The following GGT1 variants were observed in gnomAD, a reference collection of about 807,000 sequenced individuals.
GGT1 encodes the protein glutathione hydrolase 1 proenzyme.
GGT1 carries 21 observed loss-of-function variants against 56.0 expected under a neutral mutation model. The ratio of observed to expected loss-of-function variants is 0.38; its 90% confidence interval spans 0.27 to 0.54. The LOEUF is 0.54. GGT1 is among the 20% of genes least tolerant of loss of function. The probability of loss-of-function intolerance (pLI) is 0.82; values close to 1 mark genes in which losing one functional copy is unlikely to be tolerated. For missense variants in GGT1, 466 were observed against 787.0 expected (o/e 0.59, Z 4.88); for synonymous variants, 238 against 342.6 (o/e 0.69, Z 3.37).
intron 2 of GGT1, chr22:24,609,045 GTC>G (rs1230787513): frequency 2.6e-5 from 4 of 152,216 alleles, no homozygotes; most frequent in African/African-American, 9.7e-5. Flanking sequence ...AGGAATCGGT[GTC>G]TCTATCAGGA....
chr22:24,614,442 C>T (rs916563598), intron 5 of GGT1, among the ~76,000 whole-genome samples: 8 of 149,672 alleles, frequency 5.3e-5, no homozygotes, highest in Non-Finnish European at 8.9e-5. Flanking sequence ...ATGGTGAAAC[C>T]CCGTCTCTAC....
intron 9 of GGT1, among the ~76,000 whole-genome samples, chr22:24,622,050 AAAG>A (rs2047448771): frequency 1.3e-5 from 2 of 150,964 alleles, no homozygotes. Context: ...AAAAAAAAAA[AAAG>A]AAAGAAAGAA....
chr22:24,593,812 A>G (rs2045641413), upstream of GGT1, among the ~76,000 whole-genome samples: 1 of 151,682 alleles, frequency 6.6e-6, no homozygotes, highest in African/African-American at 2.4e-5. Flanking sequence ...AAAAGAAAAG[A>G]AATCTCTGCA....
At position 24,628,950 on chromosome 22, in the gene GGT1, T is replaced by G. The variant is rs2047951991; in HGVS notation, c.*111T>G. ...CCCTGTGAGCAGCAGAGCAGCACAA[T>G]AAATGAGGCCACTGTGCCAGGCTCC... On this transcript the variant is annotated 3_prime_UTR_variant, in exon 16 of 16. Transcript: ENST00000400382. The surrounding 1 kb of genome is among the most constrained non-coding windows in gnomAD (Gnocchi z 5.7). 1 of 1,538,360 alleles carries G rather than the reference T, an allele frequency of 6.5e-7. No homozygotes were observed. Among genetic ancestry groups the G allele is most frequent in the Admixed American group, 1.9e-5 (1 of 52,052 alleles).
chr22:24,607,057 C>G (rs1231133625), intron 1 of GGT1, among the ~76,000 whole-genome samples: 1 of 152,108 alleles, frequency 6.6e-6, no homozygotes, highest in Admixed American at 6.6e-5. Flanking sequence ...CAGAAACATG[C>G]AGTAACTTGG....
the GGT1 span, chr22:24,589,094 A>G: frequency 9.1e-7 from 1 of 1,096,450 alleles, no homozygotes; most frequent in East Asian, 9.8e-5. Flanking sequence ...CTGTGCAGAG[A>G]CCTGGGCATT....
chr22:24,613,074 T>G (rs1480152149), intron 5 of GGT1, among the ~76,000 whole-genome samples: 2 of 151,782 alleles, frequency 1.3e-5, no homozygotes, highest in African/African-American at 4.8e-5. Flanking sequence ...ACAGAAAAAA[T>G]ATTATGTTTT....
chr22:24,585,895 A>G, the GGT1 span: 7 of 1,587,152 alleles, frequency 4.4e-6, no homozygotes, highest in African/African-American at 9.4e-5. Flanking sequence ...GTCACCTGGC[A>G]CAGCAGGCCT....
At chr22:24,605,777 G>T (rs1197766674) in intron 1 of GGT1, among the ~76,000 whole-genome samples, 4 of 66,758 alleles carry the variant, frequency 6.0e-5, no homozygotes, top group Admixed American at 2.6e-4. Context: ...TATATAATGT[G>T]TATTATATAT....
intron 1 of GGT1, among the ~76,000 whole-genome samples, chr22:24,597,042 G>A (rs1057123387): frequency 6.7e-6 from 1 of 150,044 alleles, no homozygotes; most frequent in African/African-American, 2.5e-5. Flanking sequence ...GAGTGCAATG[G>A]CATGATCTTG....
At chr22:24,618,642 A>G (rs1198837856) in intron 7 of GGT1, among the ~76,000 whole-genome samples, 1 of 152,204 alleles carries the variant, frequency 6.6e-6, no homozygotes, top group Non-Finnish European at 1.5e-5. Context: ...ACTTCTGTCT[A>G]ACTACAAGGT....
At chr22:24,590,091 G>T, upstream of GGT1, 2 of 1,006,138 alleles carry the variant, frequency 2.0e-6, no homozygotes, top group Non-Finnish European at 1.4e-6. Context: ...CCCACAGGCG[G>T]CCATGGGCCA....
intron 1 of GGT1, among the ~76,000 whole-genome samples, chr22:24,604,429 C>T (rs1432057860): frequency 6.6e-6 from 1 of 152,160 alleles, no homozygotes. Context: ...TCCTCATACT[C>T]CTCTCTCTGC....
At chr22:24,592,816 G>GACCCCAA, upstream of GGT1, 1 of 1,268,578 alleles carries the variant, frequency 7.9e-7, no homozygotes, top group Admixed American at 4.1e-5. Flanking sequence ...CAGACCCCCA[G>GACCCCAA]ACCCTCCCTG....
intron 2 of GGT1, among the ~76,000 whole-genome samples, chr22:24,608,802 A>C (rs1601671807): frequency 6.6e-6 from 1 of 152,030 alleles, no homozygotes; most frequent in East Asian, 1.9e-4. Context: ...GATTACAGGC[A>C]CCTGCCACCA....
In GGT1 at chr22:24,627,441, A is replaced by G; in HGVS notation, c.1030A>G (p.Asn344Asp). The G allele has an allele frequency of 7.0e-7, 1 of 1,420,952 alleles. No homozygotes were observed. Among genetic ancestry groups the G allele is most frequent in the South Asian group, 1.1e-5 (1 of 88,518 alleles). The allele number at this position is 1,420,952 out of a possible 1,614,324, so 88.0% of individuals were successfully genotyped here. Residue 344 changes from asparagine (N) to aspartate (D), a missense_variant, in exon 12 of 16, where the codon AAC becomes GAC. Transcript: ENST00000400382. Reference protein sequence around the residue: ...KFVDVTEVVRNMTSEFFAAQL... With the variant: ...KFVDVTEVVRDMTSEFFAAQL... ...TCTGGGGTCTCGGCAGGTGGTCCGC[A>G]ACATGACCTCCGAGTTCTTCGCTGC...
the GGT1 span, chr22:24,588,644 T>C: frequency 3.5e-6 from 4 of 1,132,126 alleles, no homozygotes; most frequent in Non-Finnish European, 2.2e-6. Flanking sequence ...ATCAGCCGGC[T>C]GCCTGCCCAC....
chr22:24,600,781 C>T (rs1308976034), upstream of GGT1, among the ~76,000 whole-genome samples: 1 of 152,158 alleles, frequency 6.6e-6, no homozygotes, highest in Non-Finnish European at 1.5e-5. Context: ...CTGGAGTGGC[C>T]CCTGCTTCTC....
intron 11 of GGT1, chr22:24,624,395 T>C: frequency 2.0e-6 from 2 of 985,340 alleles, no homozygotes; most frequent in Non-Finnish European, 2.4e-6. Flanking sequence ...TAAGACCCTG[T>C]CATATCCCTT....
Sources: gnomAD v4.1 joint callset for allele counts (sites outside exome capture counted in the v4.1 genomes callset) on GRCh38, gnomAD v4.1.1 for gene constraint, Gnocchi (gnomAD v3.1) non-coding constraint, MANE v1.5 for transcripts, NCBI Gene and HGNC (gene_info 2026-07-23, HGNC 2026-07-21) for gene names.